UQCRC1: variants seen among roughly 807,000 people sequenced by gnomAD.
UQCRC1 encodes the protein cytochrome b-c1 complex subunit 1, mitochondrial.
A neutral mutation model predicts 58.0 loss-of-function variants in UQCRC1; 34 were observed. The observed-to-expected ratio is 0.59, with a 90% CI of 0.45 to 0.78. The LOEUF is 0.78. Among genes scored for constraint, UQCRC1 ranks in the 30% least tolerant of loss-of-function variants. UQCRC1 has a pLI of 0.00. For synonymous variants in UQCRC1, 276 were observed against 248.8 expected (o/e 1.11, Z -1.03); for missense variants, 610 against 646.0 (o/e 0.94, Z 0.60).
At chr3:48,609,369 A>G in intron 1 of UQCRC1, 67 bp from the exon 2 acceptor site, 1 of 1,559,068 alleles carries the variant, frequency 6.4e-7, no homozygotes, top group Non-Finnish European at 8.7e-7. Context: ...CCAGGTCCTC[A>G]GGAGGACCCC....
At chr3:48,608,241 T>C (rs1048154381) in intron 2 of UQCRC1, among the ~76,000 whole-genome samples, 1 of 152,308 alleles carries the variant, frequency 6.6e-6, no homozygotes, top group East Asian at 1.9e-4. Flanking sequence ...TGAGAACATG[T>C]GATATTTGCT....
chr3:48,605,096 C>T (rs549290804), intron 3 of UQCRC1, among the ~76,000 whole-genome samples: 6 of 152,322 alleles, frequency 3.9e-5, no homozygotes, highest in African/African-American at 9.6e-5. Flanking sequence ...ACACCTCCCC[C>T]CTCCTTATTG....
In UQCRC1 at chr3:48,601,506, C is replaced by T. The variant is rs200129720; in HGVS notation, c.707-39G>A. Reference sequence around the variant, plus strand: ...CAGTGGCATTACTGACCAGCCAGGGCCCAAGGCACAGGGTGGGGCGATTCA... The same window carrying T: ...CAGTGGCATTACTGACCAGCCAGGGTCCAAGGCACAGGGTGGGGCGATTCA... On this transcript the variant is annotated intron_variant, in intron 6 of 12. Coordinates refer to ENST00000203407, the MANE Select transcript of UQCRC1 (RefSeq NM_003365.3). The T allele has an allele frequency of 4.6e-5, 74 of 1,598,728 alleles. No homozygotes were observed. The East Asian group carries it at 9.4e-4, about 20-fold the overall frequency.
In UQCRC1 at chr3:48,600,703, C is replaced by CAT. The variant is rs1193047204; in HGVS notation, c.1102_1103dup (p.Met368IlefsTer2). On this transcript the variant is annotated frameshift_variant, in exon 9 of 13. Transcript: ENST00000203407. LOFTEE classifies it high-confidence loss of function. ...ACCACTGCCCTTGCAGGACGAACAT[C>CAT]ATGTCATCGATTTTCATTCGGTCAC... 1.2e-6 allele frequency: 2 copies of CAT among 1,614,182 alleles called. No individual in the cohort carries two copies. Among genetic ancestry groups the CAT allele is most frequent in the East Asian group, 4.5e-5 (2 of 44,882 alleles).
chr3:48,603,565 T>G lies in UQCRC1; in HGVS notation c.705A>C (p.Gly235=). The G allele has an allele frequency of 6.2e-7, 1 of 1,613,622 alleles. No homozygotes were observed. Among genetic ancestry groups the G allele is most frequent in the South Asian group, 1.1e-5 (1 of 91,000 alleles). ...KAPRMVLAAA[G]GVEHQQLLDL... ...GACTTCAGTGATTCCATCACTCACC[T>G]CCAGCTGCTGCCAGCACCATTCGAG... The change falls in exon 6 of 13, where the codon GGA becomes GGC. Residue 235 remains glycine (G), a splice_region_variant and synonymous_variant. Transcript: ENST00000203407.
chr3:48,606,181 T>C (rs1369942610), intron 2 of UQCRC1, among the ~76,000 whole-genome samples: 3 of 152,248 alleles, frequency 2.0e-5, no homozygotes, highest in African/African-American at 7.2e-5. Context: ...TAATTATTTG[T>C]TTTTGTCTAA....
intron 2 of UQCRC1, among the ~76,000 whole-genome samples, chr3:48,608,613 G>A (rs114274806): frequency 0.017 from 2,634 of 152,334 alleles, 70 homozygotes; most frequent in African/African-American, 0.06. Context: ...GGGCTGAAAG[G>A]AGGAGGAGAT....
Position 48,600,723 on chromosome 3 carries a change from G to T in UQCRC1, c.1084C>A (p.Arg362=). The T allele has an allele frequency of 2.5e-6, 4 of 1,614,090 alleles. No individual in the cohort carries two copies. Among genetic ancestry groups the T allele is most frequent in the Non-Finnish European group, 3.4e-6 (4 of 1,180,028 alleles). ...GLLGAHFVCD[R]MKIDDMMFVL... ...AACATCATGTCATCGATTTTCATTC[G>T]GTCACAGACAAAGTGTGCACCCAGC... The change falls in exon 9 of 13, where the codon CGA becomes AGA. Residue 362 remains arginine, a synonymous_variant. Coordinates refer to ENST00000203407, the MANE Select transcript of UQCRC1 (RefSeq NM_003365.3).
At position 48,601,015 on chromosome 3, in the gene UQCRC1, G is replaced by A. The variant is rs770681964; in HGVS notation, c.926C>T (p.Ala309Val). The A allele has an allele frequency of 1.2e-6, 2 of 1,608,372 alleles. No homozygotes were observed. Among genetic ancestry groups the A allele is most frequent in the Non-Finnish European group, 1.7e-6 (2 of 1,175,342 alleles). The change falls in exon 8 of 13, where the codon GCC becomes GTC. Residue 309 changes from alanine (A) to valine (V), a missense_variant. Physicochemically the swap from Ala to Val is moderately conservative, Grantham distance 64. Transcript: ENST00000203407. ...PDNVALQVAN[A>V]IIGHYDCTYG... ...AGTGCAGTCATAGTGGCCGATGATGGCATTGGCCACTTGCAAGGCCACATT... is the reference window on the plus strand; with the variant it reads ...AGTGCAGTCATAGTGGCCGATGATGACATTGGCCACTTGCAAGGCCACATT...
In UQCRC1 at chr3:48,601,103, C is replaced by A; in HGVS notation, c.838G>T (p.Asp280Tyr). Residue 280 changes from aspartate (D) to tyrosine (Y), a missense_variant, in exon 8 of 13, where the codon GAT (aspartate) becomes TAT (tyrosine). Physicochemically the swap from Asp to Tyr is radical, Grantham distance 160 (BLOSUM62 -3). Transcript: ENST00000203407. ...FTGSEIRHRD[D>Y]ALPFAHVAIA... Reference sequence around the variant, plus strand: ...GCCACGTGGGCAAAAGGTAGAGCATCATCACGGTGGCGGATCTGAAACAGT... The same window carrying A: ...GCCACGTGGGCAAAAGGTAGAGCATAATCACGGTGGCGGATCTGAAACAGT... 6.2e-7 allele frequency: 1 copy of A among 1,602,100 alleles called. No homozygotes were observed. Among genetic ancestry groups the A allele is most frequent in the Non-Finnish European group, 8.5e-7 (1 of 1,170,862 alleles).
At position 48,609,586 on chromosome 3, in the gene UQCRC1, G is replaced by A. The variant is rs1185904687; in HGVS notation, c.35C>T (p.Ala12Val). 4 of 1,571,830 alleles carry A rather than the reference G, an allele frequency of 2.5e-6. No individual in the cohort carries two copies. The highest frequency in any genetic ancestry group is 2.3e-5 in the East Asian group (1 of 42,612). The change falls in exon 1 of 13, where the codon GCC becomes GTC. Residue 12 changes from alanine to valine, a missense_variant. By Grantham distance (64) the Ala-to-Val change is moderately conservative. Transcript: ENST00000203407. ...GGCGCGCAATAGCACTTGTGCCCCG[G>A]CGGTAGCGGCCCGACAGACCACGGA... ...AASVVCRAAT[A>V]GAQVLLRARR...
At chr3:48,600,373 G>T in intron 10 of UQCRC1, 109 bp downstream of exon 10, 1 of 1,380,368 alleles carries the variant, frequency 7.2e-7, no homozygotes, top group Non-Finnish European at 1.0e-6. Context: ...GCATGGCGTG[G>T]TCTTCAAAGT....
Position 48,600,690 on chromosome 3 carries a change from G to T in UQCRC1, c.1117C>A (p.Gln373Lys), listed in dbSNP as rs1210328180. 1.2e-6 allele frequency: 2 copies of T among 1,614,144 alleles called. No individual in the cohort carries two copies. The highest frequency in any genetic ancestry group is 4.5e-5 in the East Asian group (2 of 44,884). Residue 373 changes from glutamine to lysine, a missense_variant, in exon 9 of 13, where the codon CAA becomes AAA. Gln to Lys is a moderately conservative substitution (Grantham distance 53). Coordinates refer to ENST00000203407, the MANE Select transcript of UQCRC1 (RefSeq NM_003365.3). The stretch of plus-strand genomic sequence containing the variant: ...CAGGCTGCCACTTACCACTGCCCTT[G>T]CAGGACGAACATCATGTCATCGATT... ...MKIDDMMFVLQGQWMRLCTSA... is the reference protein window; with the variant it reads ...MKIDDMMFVLKGQWMRLCTSA...
chr3:48,599,460 G>A (rs2046341782), intron 12 of UQCRC1, 175 bp downstream of exon 12: 8 of 744,554 alleles, frequency 1.1e-5, no homozygotes, highest in Non-Finnish European at 1.7e-5. Flanking sequence ...AGGAACTGCT[G>A]GGACAGGTTT....
At chr3:48,600,177 G>T in intron 10 of UQCRC1, 26 bp from the exon 11 acceptor site, 1 of 1,612,342 alleles carries the variant, frequency 6.2e-7, no homozygotes, top group Non-Finnish European at 8.5e-7. Context: ...AAGGCTCAGA[G>T]GTCCACCCAG....
At chr3:48,599,746 G>A in intron 11 of UQCRC1, 36 bp from the exon 12 acceptor site, 1 of 1,605,138 alleles carries the variant, frequency 6.2e-7, no homozygotes, top group Non-Finnish European at 8.5e-7. Flanking sequence ...TGGCTAACGG[G>A]CACCTGGCCA....
At chr3:48,599,928 C>A in intron 11 of UQCRC1, 135 bp downstream of exon 11, 2 of 1,168,388 alleles carry the variant, frequency 1.7e-6, no homozygotes, top group South Asian at 1.4e-5. Flanking sequence ...ACTATGCTAC[C>A]CCTGCAGGTG....
intron 2 of UQCRC1, among the ~76,000 whole-genome samples, chr3:48,608,640 T>A (rs1009625135): frequency 2.6e-5 from 4 of 152,252 alleles, no homozygotes; most frequent in African/African-American, 4.8e-5. Flanking sequence ...TTCTTGGGAA[T>A]CTTCTCACCT....
rs1286752367 is a variant in UQCRC1 at position 48,609,305 on chromosome 3, G to T, written c.70-3C>A. ...GCTGGCGTCCGCAGCAGGGCCGGCT[G>T]TGGAAGGGAACAGCCGCGAGTGAGG... On this transcript the variant is annotated splice_region_variant and splice_polypyrimidine_tract_variant and intron_variant, in intron 1 of 12. Transcript: ENST00000203407. 6.2e-7 allele frequency: 1 copy of T among 1,604,424 alleles called. No individual in the cohort carries two copies. The highest frequency in any genetic ancestry group is 8.5e-7 in the Non-Finnish European group (1 of 1,175,314).
Sources: allele counts gnomAD v4.1 joint callset (sites outside exome capture counted in the v4.1 genomes callset), GRCh38; gene constraint gnomAD v4.1.1; transcripts MANE v1.5; gene names NCBI Gene and HGNC (gene_info 2026-07-23, HGNC 2026-07-21).